The following SLC22A8 variants were observed in gnomAD, a reference collection of about 807,000 sequenced individuals.
The protein encoded by SLC22A8 is solute carrier family 22 member 8, also known as organic anion transporter 3.
SLC22A8 carries 40 observed loss-of-function variants against 48.4 expected under a neutral mutation model. The observed-to-expected ratio is 0.83, with a 90% confidence interval of 0.64 to 1.08. The LOEUF is 1.08. Among genes scored for constraint, SLC22A8 ranks in the 50% least tolerant of loss-of-function variants. SLC22A8 has a pLI of 0.00. For synonymous variants in SLC22A8, 268 were observed against 286.3 expected (o/e 0.94, Z 0.65); for missense variants, 606 against 699.0 (o/e 0.87, Z 1.50).
Position 62,996,022 on chromosome 11 carries a change from C to A in SLC22A8, c.885+7G>T, listed in dbSNP as rs1245254956. The A allele has an allele frequency of 6.2e-7, 1 of 1,614,092 alleles. No homozygotes were observed. The highest frequency in any genetic ancestry group is 2.2e-5 in the East Asian group (1 of 44,884). On this transcript the variant is annotated splice_region_variant and intron_variant, in intron 6 of 10. Transcript: ENST00000336232. ...TCTGCTCCCAGACTATAGTCCTCAG[C>A]CCCTACCTCCAAGCTGAGCCTTTCT... is the stretch of plus-strand genomic sequence containing the variant.
intron 2 of SLC22A8, among the ~76,000 whole-genome samples, chr11:63,010,702 G>A (rs2086609267): frequency 6.6e-6 from 1 of 152,200 alleles, no homozygotes; most frequent in African/African-American, 2.4e-5. Flanking sequence ...ACCTGACCCA[G>A]AGAAGGGTGC....
chr11:63,013,165 G>T (rs956841984), intron 2 of SLC22A8, among the ~76,000 whole-genome samples: 12 of 152,108 alleles, frequency 7.9e-5, no homozygotes, highest in Non-Finnish European at 1.8e-4. Context: ...TTAGAACAAT[G>T]CCTACCACAT....
intron 2 of SLC22A8, among the ~76,000 whole-genome samples, chr11:63,010,358 C>T (rs1224990350): frequency 6.6e-6 from 1 of 152,170 alleles, no homozygotes; most frequent in South Asian, 2.1e-4. Context: ...CGCTCTTCAC[C>T]AAATACCCTG....
intron 3 of SLC22A8, 43 bp from the exon 4 acceptor site, chr11:62,999,885 G>C (rs892529757): frequency 7.0e-7 from 1 of 1,424,872 alleles, no homozygotes. Flanking sequence ...GCCACAGTGT[G>C]CCTGCCAAGA....
intron 2 of SLC22A8, among the ~76,000 whole-genome samples, chr11:63,001,961 G>A (rs2086500522): frequency 6.6e-6 from 1 of 152,028 alleles, no homozygotes; most frequent in Admixed American, 6.5e-5. Context: ...GTCTCACTCT[G>A]TCACCCAGGC....
At chr11:63,002,036 A>G (rs1419342750) in intron 2 of SLC22A8, among the ~76,000 whole-genome samples, 1 of 151,904 alleles carries the variant, frequency 6.6e-6, no homozygotes, top group Admixed American at 6.6e-5. Flanking sequence ...CCATCCTCCT[A>G]AGTAACTGGG....
At chr11:62,994,516 G>C (rs2086385530) in intron 8 of SLC22A8, 26 bp downstream of exon 8, 4 of 1,554,506 alleles carry the variant, frequency 2.6e-6, no homozygotes, top group African/African-American at 1.4e-5. Context: ...CTTCCAGAGG[G>C]TTCTGGGGTA....
intron 2 of SLC22A8, among the ~76,000 whole-genome samples, chr11:63,011,861 C>T (rs902155869): frequency 3.3e-5 from 5 of 152,168 alleles, no homozygotes; most frequent in African/African-American, 9.7e-5. Flanking sequence ...ACACCTTTAC[C>T]TCTGTAGCAT....
intron 2 of SLC22A8, among the ~76,000 whole-genome samples, chr11:63,007,875 C>T (rs894050837): frequency 6.6e-5 from 10 of 152,190 alleles, no homozygotes; most frequent in African/African-American, 2.4e-4. Flanking sequence ...GAACCTGAGG[C>T]TCAGAGGGTA....
At chr11:62,997,841 G>A (rs77418486) in intron 5 of SLC22A8, among the ~76,000 whole-genome samples, 5,455 of 152,290 alleles carry the variant, frequency 0.036, 154 homozygotes, top group Non-Finnish European at 0.055. Context: ...CAGAGACGAC[G>A]TAGGTTGATG....
intron 3 of SLC22A8, 136 bp downstream of exon 3, chr11:63,000,584 T>G (rs989667925): frequency 9.7e-6 from 6 of 616,766 alleles, no homozygotes; most frequent in Non-Finnish European, 1.7e-5. Flanking sequence ...TAGTGAGGTT[T>G]GCCCAAGGCC....
intron 2 of SLC22A8, among the ~76,000 whole-genome samples, chr11:63,014,387 C>T (rs2086650952): frequency 6.6e-6 from 1 of 152,182 alleles, no homozygotes; most frequent in African/African-American, 2.4e-5. Flanking sequence ...TAGCTCTGTG[C>T]CCGTCACAGA....
chr11:63,009,913 T>C (rs1212243114), intron 2 of SLC22A8, among the ~76,000 whole-genome samples: 1 of 152,022 alleles, frequency 6.6e-6, no homozygotes, highest in Non-Finnish European at 1.5e-5. Flanking sequence ...AGGAGCTGGA[T>C]CTGAGCAGAA....
intron 2 of SLC22A8, among the ~76,000 whole-genome samples, chr11:63,009,574 C>T (rs1332128049): frequency 2.0e-5 from 3 of 152,200 alleles, no homozygotes; most frequent in Non-Finnish European, 2.9e-5. Context: ...GTCCAGAATT[C>T]GTGTTCCCAT....
At chr11:63,015,159 G>T (rs1325760516) in intron 1 of SLC22A8, among the ~76,000 whole-genome samples, 176 bp from the exon 2 acceptor site, 1 of 152,206 alleles carries the variant, frequency 6.6e-6, no homozygotes, top group Non-Finnish European at 1.5e-5. Context: ...GCAGATTCTT[G>T]TGTGGATGTC....
Position 62,995,693 on chromosome 11 carries a change from A to G in SLC22A8, c.1001+11T>C, listed in dbSNP as rs1565294472. ...TCCTTGGCAGGGTGTGGGCAGGGAG[A>G]GGGGGGTTACCAGGCCAGGGAAAGA... is the stretch of plus-strand genomic sequence containing the variant. On this transcript the variant is annotated intron_variant, in intron 7 of 10. Coordinates refer to ENST00000336232, the MANE Select transcript of SLC22A8 (RefSeq NM_004254.4). 1 of 1,599,612 alleles carries G rather than the reference A, an allele frequency of 6.3e-7. No individual in the cohort carries two copies. The highest frequency in any genetic ancestry group is 1.3e-5 in the African/African-American group (1 of 74,674).
At chr11:63,006,551 C>T (rs574914675) in intron 2 of SLC22A8, among the ~76,000 whole-genome samples, 2 of 142,278 alleles carry the variant, frequency 1.4e-5, no homozygotes, top group South Asian at 4.5e-4. Context: ...GTTTGCTGTC[C>T]TGTATTCTGT....
chr11:63,002,593 C>CT (rs942876274), intron 2 of SLC22A8, among the ~76,000 whole-genome samples: 3 of 151,866 alleles, frequency 2.0e-5, no homozygotes, highest in Non-Finnish European at 2.9e-5. Flanking sequence ...GTGAATTGGA[C>CT]TTTTTTTTAA....
At chr11:63,007,574 G>C (rs981154651) in intron 2 of SLC22A8, among the ~76,000 whole-genome samples, 2 of 152,132 alleles carry the variant, frequency 1.3e-5, no homozygotes, top group African/African-American at 4.8e-5. Context: ...TGATCCACCT[G>C]CCTCAGCCTC....
Sources: allele counts gnomAD v4.1 joint callset (sites outside exome capture counted in the v4.1 genomes callset), GRCh38; gene constraint gnomAD v4.1.1; transcripts MANE v1.5; gene names NCBI Gene and HGNC (gene_info 2026-07-23, HGNC 2026-07-21).